The following PTPRG variants were observed in gnomAD, a reference collection of about 807,000 sequenced individuals.
PTPRG encodes the protein receptor-type tyrosine-protein phosphatase gamma.
Under a neutral mutation model 165.3 loss-of-function variants are expected in PTPRG, and 102 were observed. That is an observed-to-expected ratio of 0.62 (90% CI 0.53 to 0.73). The LOEUF is 0.73. Among genes scored for constraint, PTPRG ranks in the 30% least tolerant of loss-of-function variants. PTPRG has a pLI of 0.00. For missense variants in PTPRG, 1,866 were observed against 1,861.4 expected (o/e 1.00, Z -0.05); for synonymous variants, 675 against 669.5 (o/e 1.01, Z -0.13).
chr3:61,671,748 G>A (rs1191840858), intron 1 of PTPRG, among the ~76,000 whole-genome samples: 1 of 146,460 alleles, frequency 6.8e-6, no homozygotes, highest in African/African-American at 2.5e-5. Context: ...TCCTGGACGG[G>A]GCGGCTGGCC....
chr3:62,282,342 G>A lies in PTPRG; in HGVS notation c.3913-385G>A, dbSNP rs1438819643. Among the ~76,000 whole-genome samples, 5 of 151,658 alleles carry A rather than the reference G, an allele frequency of 3.3e-5. No individual in the cohort carries two copies. The South Asian group carries it at 8.4e-4, about 25-fold the overall frequency. On this transcript the variant is annotated intron_variant, in intron 27 of 29. Transcript: ENST00000474889. The stretch of plus-strand genomic sequence containing the variant: ...GGGCTCAAGCGATCCTTTCACATCA[G>A]CCTCCCGAATAGCAAAGACTATAGG...
chr3:61,904,777 A>C (rs2038598448), intron 2 of PTPRG, among the ~76,000 whole-genome samples: 1 of 152,200 alleles, frequency 6.6e-6, no homozygotes, highest in African/African-American at 2.4e-5. Context: ...GCTGGTATTT[A>C]CATTTCACAT....
At chr3:62,018,024 T>A (rs2041594248) in intron 4 of PTPRG, among the ~76,000 whole-genome samples, 1 of 152,216 alleles carries the variant, frequency 6.6e-6, no homozygotes, top group African/African-American at 2.4e-5. Context: ...CCAAAGGTTA[T>A]GAAGTTGCCA....
At chr3:62,005,411 A>G (rs1054449716) in intron 4 of PTPRG, among the ~76,000 whole-genome samples, 2 of 152,196 alleles carry the variant, frequency 1.3e-5, no homozygotes, top group African/African-American at 2.4e-5. Flanking sequence ...TCCCATTGGC[A>G]ATATGAGTTG....
intron 2 of PTPRG, among the ~76,000 whole-genome samples, chr3:61,977,870 A>G (rs888345602): frequency 1.1e-4 from 16 of 152,342 alleles, no homozygotes; most frequent in Admixed American, 7.8e-4. Flanking sequence ...GTGTAACATA[A>G]TGCATGTTGG....
intron 1 of PTPRG, among the ~76,000 whole-genome samples, chr3:61,665,878 C>G (rs560136631): frequency 1.3e-5 from 2 of 151,782 alleles, no homozygotes; most frequent in South Asian, 2.1e-4. Flanking sequence ...ATATGAAACT[C>G]TTTTAGTTGG....
At position 61,852,857 on chromosome 3, in the gene PTPRG, C is replaced by T. The variant is rs540072137; in HGVS notation, c.190+103875C>T. 1.5e-3 allele frequency among the ~76,000 whole-genome samples: 227 copies of T among 152,248 alleles called. 5 individuals are homozygous for T. The South Asian group carries it at 0.044, about 30-fold the overall frequency. The stretch of plus-strand genomic sequence containing the variant: ...TATTTTAGAAATGTTATCTCAGTAA[C>T]GCGTATGGACATACATGCATGGACT... On this transcript the variant is annotated intron_variant, in intron 2 of 29. Transcript: ENST00000474889.
At chr3:61,785,079 T>C (rs1161156959) in intron 2 of PTPRG, among the ~76,000 whole-genome samples, 1 of 152,202 alleles carries the variant, frequency 6.6e-6, no homozygotes, top group African/African-American at 2.4e-5. Context: ...GCTAATTACA[T>C]GCAGAAATGC....
At chr3:61,950,921 T>C (rs2039884704) in intron 2 of PTPRG, among the ~76,000 whole-genome samples, 1 of 152,242 alleles carries the variant, frequency 6.6e-6, no homozygotes, top group Admixed American at 6.5e-5. Context: ...GCAGTAATCC[T>C]ATGTCCTGTC....
At position 62,289,646 on chromosome 3, in the gene PTPRG, C is replaced by CA. The variant is rs951163755; in HGVS notation, c.4056-2766dup. 2.7e-4 allele frequency among the ~76,000 whole-genome samples: 39 copies of CA among 142,468 alleles called. No individual in the cohort carries two copies. In the East Asian group the frequency reaches 4.9e-3, roughly 18 times the overall value. 93.5% of individuals were successfully genotyped at this position (142,468 alleles called of 152,430 possible). ...ATTCAGGACATTTTAAGAGACATTTCAAAAAAAAATCGATATTGAAAAGCG... is the reference window on the plus strand; with the variant it reads ...ATTCAGGACATTTTAAGAGACATTTCAAAAAAAAAATCGATATTGAAAAGCG... On this transcript the variant is annotated intron_variant, in intron 28 of 29. Coordinates refer to ENST00000474889, the MANE Select transcript of PTPRG (RefSeq NM_002841.4).
chr3:61,745,371 C>T (rs1246337177), intron 1 of PTPRG, among the ~76,000 whole-genome samples: 1 of 152,138 alleles, frequency 6.6e-6, no homozygotes, highest in Non-Finnish European at 1.5e-5. Context: ...TTGATGAACA[C>T]ACACCATGCG....
intron 1 of PTPRG, among the ~76,000 whole-genome samples, chr3:61,725,659 C>A (rs586375): frequency 6.7e-6 from 1 of 150,322 alleles, no homozygotes; most frequent in Non-Finnish European, 1.5e-5. Context: ...CCACTCTATT[C>A]TTCTCTTTTT....
intron 12 of PTPRG, among the ~76,000 whole-genome samples, chr3:62,208,303 A>G (rs1247620187): frequency 1.3e-5 from 2 of 152,166 alleles, no homozygotes; most frequent in South Asian, 2.1e-4. Flanking sequence ...CCAGAAGCCA[A>G]CTGATGCAAT....
chr3:61,913,046 C>G (rs980241791), intron 2 of PTPRG, among the ~76,000 whole-genome samples: 1 of 152,158 alleles, frequency 6.6e-6, no homozygotes, highest in Non-Finnish European at 1.5e-5. Flanking sequence ...CATATCAGAG[C>G]AAGGGACACC....
chr3:62,102,273 C>CCTTTCTTTT (rs939149039), intron 5 of PTPRG, among the ~76,000 whole-genome samples: 1 of 151,782 alleles, frequency 6.6e-6, no homozygotes, highest in African/African-American at 2.4e-5. Context: ...TCCTTTCTTC[C>CCTTTCTTTT]CTTTCTTTTC....
intron 1 of PTPRG, among the ~76,000 whole-genome samples, chr3:61,658,244 T>G (rs2107013309): frequency 6.6e-6 from 1 of 152,308 alleles, no homozygotes; most frequent in Middle Eastern, 3.4e-3. Flanking sequence ...AGGCACCCGG[T>G]GCCTGTGGAT....
chr3:61,887,122 G>A (rs11927636), intron 2 of PTPRG, among the ~76,000 whole-genome samples: 1,026 of 43,028 alleles, frequency 0.024, 127 homozygotes, highest in African/African-American at 0.092. Flanking sequence ...ACCATAGCAT[G>A]CATATATATA....
At chr3:61,833,729 C>T (rs2107302996) in intron 2 of PTPRG, among the ~76,000 whole-genome samples, 1 of 151,920 alleles carries the variant, frequency 6.6e-6, no homozygotes. Flanking sequence ...CGCCTGGCTA[C>T]TTTTTTTGTA....
chr3:61,929,727 G>A (rs2039312391), intron 2 of PTPRG, among the ~76,000 whole-genome samples: 1 of 152,196 alleles, frequency 6.6e-6, no homozygotes. Context: ...GATGTCTACC[G>A]CTCTAGCCCT....
Sources: gnomAD v4.1 joint callset for allele counts (sites outside exome capture counted in the v4.1 genomes callset) on GRCh38, gnomAD v4.1.1 for gene constraint, MANE v1.5 for transcripts, NCBI Gene and HGNC (gene_info 2026-07-23, HGNC 2026-07-21) for gene names.